The following NDUFAF2 variants were observed in gnomAD, a reference collection of about 807,000 sequenced individuals.
NDUFAF2 encodes NADH dehydrogenase [ubiquinone] 1 alpha subcomplex assembly factor 2.
Under a neutral mutation model 22.8 loss-of-function variants are expected in NDUFAF2, and 13 were observed. That is an observed-to-expected ratio of 0.57 (90% CI 0.37 to 0.91). NDUFAF2 has a LOEUF of 0.91. Among genes scored for constraint, NDUFAF2 ranks in the 40% least tolerant of loss-of-function variants. NDUFAF2 has a pLI of 0.01. For missense variants in NDUFAF2, 162 were observed against 195.2 expected (o/e 0.83, Z 1.01); for synonymous variants, 53 against 64.2 (o/e 0.83, Z 0.84).
At chr5:61,025,067 A>G (rs1345146292) in intron 1 of NDUFAF2, among the ~76,000 whole-genome samples, 1 of 152,038 alleles carries the variant, frequency 6.6e-6, no homozygotes, top group Non-Finnish European at 1.5e-5. Flanking sequence ...CCCTCTCTTC[A>G]GCGTTCCCCT....
In NDUFAF2 at chr5:60,978,111, T is replaced by C. The variant is rs116306219; in HGVS notation, c.127+32729T>C. 7.8e-3 allele frequency among the ~76,000 whole-genome samples: 1,180 copies of C among 152,156 alleles called. 18 individuals carry two copies. The highest frequency in any genetic ancestry group is 0.027 in the African/African-American group (1,112 of 41,526). ...GGGAGAGTGCCGGGATTATCAGACA[T>C]TGCGTTAGAACTCAGTGCCCTGTCA... On this transcript the variant is annotated intron_variant, in intron 1 of 3. Transcript: ENST00000296597.
At chr5:61,146,617 T>C (rs1427756147) in intron 3 of NDUFAF2, among the ~76,000 whole-genome samples, 1 of 152,198 alleles carries the variant, frequency 6.6e-6, no homozygotes, top group African/African-American at 2.4e-5. Context: ...TTTTCCTGTG[T>C]CTAGTTTTAA....
intron 1 of NDUFAF2, among the ~76,000 whole-genome samples, chr5:61,053,605 T>C (rs1207704343): frequency 6.6e-6 from 1 of 152,162 alleles, no homozygotes; most frequent in Non-Finnish European, 1.5e-5. Context: ...CCTGAAATAG[T>C]TTCTGTGGCT....
intron 1 of NDUFAF2, among the ~76,000 whole-genome samples, chr5:61,033,447 C>T (rs987102031): frequency 1.3e-5 from 2 of 152,044 alleles, no homozygotes; most frequent in African/African-American, 4.8e-5. Context: ...TATCATCCCT[C>T]ATGGTATAAA....
intron 1 of NDUFAF2, among the ~76,000 whole-genome samples, chr5:61,041,237 C>T (rs373606118): frequency 2.6e-5 from 4 of 152,092 alleles, no homozygotes; most frequent in African/African-American, 9.6e-5. Flanking sequence ...GAAAAATTAC[C>T]ATCAAGTAAT....
intron 1 of NDUFAF2, among the ~76,000 whole-genome samples, chr5:60,961,843 T>G (rs2112568000): frequency 6.6e-6 from 1 of 151,906 alleles, no homozygotes; most frequent in South Asian, 2.1e-4. Context: ...TCAGTATCTG[T>G]GGTCCTACTT....
chr5:60,968,611 T>A (rs1220321337), intron 1 of NDUFAF2, among the ~76,000 whole-genome samples: 3 of 152,014 alleles, frequency 2.0e-5, no homozygotes, highest in Non-Finnish European at 4.4e-5. Context: ...AATGTATATA[T>A]GTATAGGTTA....
At chr5:60,966,406 C>T (rs963149296) in intron 1 of NDUFAF2, among the ~76,000 whole-genome samples, 3 of 151,926 alleles carry the variant, frequency 2.0e-5, no homozygotes, top group African/African-American at 7.3e-5. Flanking sequence ...CTTTTCTTGC[C>T]TGTGTGTTTG....
chr5:61,058,493 A>T (rs914454519), intron 1 of NDUFAF2, among the ~76,000 whole-genome samples: 4 of 152,158 alleles, frequency 2.6e-5, no homozygotes, highest in Admixed American at 1.3e-4. Flanking sequence ...TTCCAATCAC[A>T]TTCATAAATG....
chr5:61,028,057 C>G (rs1751674337), intron 1 of NDUFAF2, among the ~76,000 whole-genome samples: 1 of 151,894 alleles, frequency 6.6e-6, no homozygotes, highest in African/African-American at 2.4e-5. Context: ...AATATGATGT[C>G]AAGTAGAAAT....
In NDUFAF2 at chr5:61,073,148, A is replaced by ATTGTAGAAG. The variant is rs1561557232; in HGVS notation, c.152_160dup (p.Glu53_Ala54insValValGlu). 1.9e-6 allele frequency: 3 copies of ATTGTAGAAG among 1,612,422 alleles called. No individual in the cohort carries two copies. Among genetic ancestry groups the ATTGTAGAAG allele is most frequent in the East Asian group, 4.5e-5 (2 of 44,762 alleles). ...AGGACAAACTATTCGAGAGAAAAGA[A>ATTGTAGAAG]TTGTAGAAGCAGCAAATAAAAAAGA... On this transcript the variant is annotated inframe_insertion, in exon 2 of 4. Transcript: ENST00000296597.
chr5:61,022,201 C>T (rs1751592051), intron 1 of NDUFAF2, among the ~76,000 whole-genome samples: 1 of 152,178 alleles, frequency 6.6e-6, no homozygotes, highest in Non-Finnish European at 1.5e-5. Context: ...TTAACTATTA[C>T]TCTTTCCAAG....
chr5:61,039,939 T>TA (rs774877397), intron 1 of NDUFAF2, among the ~76,000 whole-genome samples: 11 of 152,192 alleles, frequency 7.2e-5, no homozygotes, highest in Non-Finnish European at 1.5e-4. Flanking sequence ...ACTTTGAAGA[T>TA]ATTCTGTTAA....
At chr5:60,989,761 G>A (rs890019521) in intron 1 of NDUFAF2, among the ~76,000 whole-genome samples, 1 of 152,134 alleles carries the variant, frequency 6.6e-6, no homozygotes, top group Admixed American at 6.6e-5. Flanking sequence ...CAGAGGGTGG[G>A]AGGAGGAACA....
At chr5:60,970,909 A>G (rs1242876591) in intron 1 of NDUFAF2, among the ~76,000 whole-genome samples, 1 of 152,114 alleles carries the variant, frequency 6.6e-6, no homozygotes, top group Non-Finnish European at 1.5e-5. Context: ...TTTTGTCTAC[A>G]TAATTTGTCT....
At chr5:61,092,806 A>C (rs1336537415) in intron 2 of NDUFAF2, among the ~76,000 whole-genome samples, 1 of 151,966 alleles carries the variant, frequency 6.6e-6, no homozygotes, top group Non-Finnish European at 1.5e-5. Context: ...AGGGAATTGT[A>C]TTAGTCAGAG....
chr5:61,096,089 GT>G (rs1752636056), intron 2 of NDUFAF2, among the ~76,000 whole-genome samples: 2 of 152,046 alleles, frequency 1.3e-5, no homozygotes, highest in East Asian at 3.9e-4. Flanking sequence ...AGGAATTGTG[GT>G]ATTGCTAAGC....
intron 1 of NDUFAF2, among the ~76,000 whole-genome samples, chr5:60,958,180 T>C (rs1300212019): frequency 2.0e-5 from 3 of 152,212 alleles, no homozygotes; most frequent in South Asian, 2.1e-4. Context: ...CAGATAGTTA[T>C]TGACTACTGC....
At chr5:60,957,788 T>C (rs1750636577) in intron 1 of NDUFAF2, among the ~76,000 whole-genome samples, 1 of 152,192 alleles carries the variant, frequency 6.6e-6, no homozygotes, top group African/African-American at 2.4e-5. Context: ...AGGTGAAAGT[T>C]GTAGTTGCCT....
Sources: gnomAD v4.1 joint callset for allele counts (sites outside exome capture counted in the v4.1 genomes callset) on GRCh38, gnomAD v4.1.1 for gene constraint, MANE v1.5 for transcripts, NCBI Gene and HGNC (gene_info 2026-07-23, HGNC 2026-07-21) for gene names.